TAS2R10: variants seen among roughly 807,000 people sequenced by gnomAD.
TAS2R10 encodes the protein taste receptor type 2 member 10.
For synonymous variants in TAS2R10, 144 were observed against 126.6 expected (o/e 1.14, Z -0.92); for missense variants, 385 against 362.0 (o/e 1.06, Z -0.52).
downstream of TAS2R10, chr12:10,825,222 G>A (rs148825341): frequency 1.5e-3 from 1,130 of 759,954 alleles, 8 homozygotes; most frequent in African/African-American, 0.018. Flanking sequence ...AATTATGGAA[G>A]ATTTCAGTGA....
In TAS2R10 at chr12:10,825,424, G is replaced by C. The variant is rs530100291; in HGVS notation, c.846C>G (p.Ser282Arg). 9 of 1,613,546 alleles carry C rather than the reference G, an allele frequency of 5.6e-6. No individual in the cohort carries two copies. In the East Asian group the frequency reaches 2.0e-4, roughly 36 times the overall value. Reference sequence around the variant, plus strand: ...CCCTCAAAGAGGCTTGCTTTAGCTTGCTGTTTCCTAGAATTAAGATAAATG... The same window carrying C: ...CCCTCAAAGAGGCTTGCTTTAGCTTCCTGTTTCCTAGAATTAAGATAAATG... The change falls in exon 1 of 1, where the codon AGC becomes AGG. Residue 282 changes from serine to arginine, a missense_variant. Coordinates refer to ENST00000240619, the Ensembl canonical transcript of TAS2R10.
downstream of TAS2R10, chr12:10,825,271 A>C: frequency 9.2e-7 from 1 of 1,091,518 alleles, no homozygotes; most frequent in Admixed American, 2.4e-5. Flanking sequence ...GCAAGAATGC[A>C]GTGCAATGAA....
rs773805245 is a variant in TAS2R10 at position 10,825,921 on chromosome 12, T to C, written c.349A>G (p.Ile117Val). 14 of 1,613,508 alleles carry C rather than the reference T, an allele frequency of 8.7e-6. No homozygotes were observed. In the African/African-American group the frequency reaches 9.3e-5, roughly 11 times the overall value. Residue 117 changes from isoleucine to valine, a missense_variant, in exon 1 of 1, where the codon ATA becomes GTA. Physicochemically the swap from Ile to Val is conservative, Grantham distance 29. Coordinates refer to ENST00000240619, the Ensembl canonical transcript of TAS2R10. ...GTTCTGCTCTTCAACCAGAGAAATA[T>C]GTAGTTGGAAAAATTTGCTATCTTC...
rs149163347 is a variant in TAS2R10 at position 10,825,349 on chromosome 12, T to C, written c.921A>G (p.Thr307=). 61 of 1,606,656 alleles carry C rather than the reference T, an allele frequency of 3.8e-5. No individual in the cohort carries two copies. The African/African-American group carries it at 7.3e-4, about 19-fold the overall frequency. The stretch of plus-strand genomic sequence containing the variant: ...CATCCATCTCTTCCCAAGGTGTCTA[T>C]GTGACTCTGAGATTTTTCCTTTTCT... Residue 307 remains threonine, a synonymous_variant, in exon 1 of 1, where the codon ACA becomes ACG. Coordinates refer to ENST00000240619, the Ensembl canonical transcript of TAS2R10.
rs141558284 is a variant in TAS2R10, at chr12:10,825,706, T to C, written c.564A>G (p.Leu188=). ...TTAAAAAAATACATGTAATTAGGGATAGTGTAAAGAAGAAAATGACTCCCA... is the reference window on the plus strand; with the variant it reads ...TTAAAAAAATACATGTAATTAGGGACAGTGTAAAGAAGAAAATGACTCCCA... Residue 188 remains leucine, a synonymous_variant, in exon 1 of 1, where the codon CTA becomes CTG. Transcript: ENST00000240619. The C allele has an allele frequency of 1.6e-4, 256 of 1,613,434 alleles. No homozygotes were observed. In the African/African-American group the frequency reaches 3.0e-3, roughly 19 times the overall value.
chr12:10,826,109 C>A (rs1014235485), exon 1 of TAS2R10: 27 of 1,613,202 alleles, frequency 1.7e-5, no homozygotes, highest in South Asian at 5.5e-5. Context: ...CAGAAAAATT[C>A]TTGAAATAGC....
chr12:10,825,241 G>A (rs1020209764), downstream of TAS2R10: 3 of 854,474 alleles, frequency 3.5e-6, no homozygotes, highest in African/African-American at 5.1e-5. Context: ...GATCTTTAAT[G>A]ACACAGTTAA....
exon 1 of TAS2R10, chr12:10,825,357 T>C (rs1948856172): frequency 1.9e-6 from 3 of 1,604,168 alleles, no homozygotes; most frequent in Admixed American, 3.4e-5. Context: ...TATGTGACTC[T>C]GAGATTTTTC....
exon 1 of TAS2R10, chr12:10,825,531 T>G (rs779705032): frequency 3.7e-6 from 6 of 1,613,626 alleles, no homozygotes; most frequent in Non-Finnish European, 5.1e-6. Flanking sequence ...AAACATGATA[T>G]TTCTATGGCC....
chr12:10,825,878 A>G, exon 1 of TAS2R10: 1 of 1,613,394 alleles, frequency 6.2e-7, no homozygotes. Flanking sequence ...TACTATCATG[A>G]AGGGAAGAAC....
exon 1 of TAS2R10, chr12:10,826,033 G>A (rs965761055): frequency 6.8e-6 from 11 of 1,613,186 alleles, no homozygotes; most frequent in African/African-American, 1.3e-5. Context: ...ATTCAATTAG[G>A]TTACCGGAGG....
downstream of TAS2R10, chr12:10,825,257 C>T: frequency 1.0e-6 from 1 of 996,124 alleles, no homozygotes; most frequent in African/African-American, 1.6e-5. Context: ...GTTAAAAAGA[C>T]AATGCAAGAA....
exon 1 of TAS2R10, chr12:10,826,066 C>T: frequency 1.2e-6 from 2 of 1,612,836 alleles, no homozygotes; most frequent in Non-Finnish European, 8.5e-7. Context: ...GAGAGAATAT[C>T]TGTATAAATC....
At chr12:10,825,332 T>G in exon 1 of TAS2R10, 1 of 1,578,220 alleles carries the variant, frequency 6.3e-7, no homozygotes, top group Non-Finnish European at 8.6e-7. Flanking sequence ...AACATCCATC[T>G]CTTCCCAAGG....
exon 1 of TAS2R10, chr12:10,826,229 A>G: frequency 1.2e-6 from 2 of 1,611,756 alleles, no homozygotes; most frequent in African/African-American, 1.3e-5. Context: ...TGACTCACTA[A>G]CTACAACAAA....
exon 1 of TAS2R10, chr12:10,825,903 T>C (rs1948862714): frequency 9.3e-6 from 15 of 1,613,556 alleles, no homozygotes; most frequent in Non-Finnish European, 1.3e-5. Flanking sequence ...TTTGTTCTGC[T>C]CTTCAACCAG....
At position 10,826,153 on chromosome 12, in the gene TAS2R10, C is replaced by T. The variant is rs765183546; in HGVS notation, c.117G>A (p.Lys39=). The T allele has an allele frequency of 3.7e-6, 6 of 1,613,448 alleles. No homozygotes were observed. The Admixed American group carries it at 1.0e-4, about 27-fold the overall frequency. Residue 39 remains lysine, a synonymous_variant, in exon 1 of 1, where the codon AAG becomes AAA. Transcript: ENST00000240619. Reference sequence around the variant, plus strand: ...TGAGAATAAAGCCAATCGTAGATAACTTATTCTTGGCACAGTCAATGCAGT... The same window carrying T: ...TGAGAATAAAGCCAATCGTAGATAATTTATTCTTGGCACAGTCAATGCAGT...
Position 10,825,767 on chromosome 12 carries a change from T to G in TAS2R10, c.503A>C (p.Lys168Thr), listed in dbSNP as rs752414638. The G allele has an allele frequency of 9.3e-6, 15 of 1,613,314 alleles. No individual in the cohort carries two copies. The Admixed American group carries it at 2.2e-4, about 23-fold the overall frequency. ...AATCTGTTTAATAAAGTATTCACTT[T>G]TATACATGTTGAGATCCCAGACTGT... The change falls in exon 1 of 1, where the codon AAA (lysine) becomes ACA (threonine). Residue 168 changes from lysine to threonine, a missense_variant. Physicochemically the swap from Lys to Thr is moderately conservative, Grantham distance 78. Transcript: ENST00000240619.
exon 1 of TAS2R10, chr12:10,826,264 T>C (rs769635003): frequency 6.3e-7 from 1 of 1,599,142 alleles, no homozygotes; most frequent in African/African-American, 1.3e-5. Flanking sequence ...CCACTACACG[T>C]AGCATATCTG....
Sources: allele counts gnomAD v4.1 joint callset, GRCh38; gene constraint gnomAD v4.1.1; transcripts MANE v1.5; gene names NCBI Gene and HGNC (gene_info 2026-07-23, HGNC 2026-07-21).